Variants in SNTG1 observed in about 807,000 individuals in gnomAD.
The protein encoded by SNTG1 is syntrophin gamma 1, also known as gamma-1-syntrophin.
Under a neutral mutation model 74.7 loss-of-function variants are expected in SNTG1, and 39 were observed. That is an observed-to-expected ratio of 0.52 (90% confidence interval 0.40 to 0.68). SNTG1 has a LOEUF of 0.68. SNTG1 is among the 30% of genes least tolerant of loss of function. The pLI is 0.00. For synonymous variants in SNTG1, 254 were observed against 217.1 expected (o/e 1.17, Z -1.49); for missense variants, 685 against 609.5 (o/e 1.12, Z -1.30).
intron 2 of SNTG1, among the ~76,000 whole-genome samples, chr8:50,307,721 A>G (rs938202711): frequency 6.6e-6 from 1 of 152,072 alleles, no homozygotes; most frequent in African/African-American, 2.4e-5. Flanking sequence ...TAAGTACATT[A>G]TTCTGTCTTC....
intron 13 of SNTG1, among the ~76,000 whole-genome samples, chr8:50,610,077 A>T (rs1026124023): frequency 6.6e-6 from 1 of 152,146 alleles, no homozygotes; most frequent in Non-Finnish European, 1.5e-5. Context: ...TTAGATAATA[A>T]ACGTTACCAA....
intron 2 of SNTG1, among the ~76,000 whole-genome samples, chr8:50,352,884 A>G (rs2091705894): frequency 6.6e-6 from 1 of 152,110 alleles, no homozygotes; most frequent in Non-Finnish European, 1.5e-5. Context: ...ATACCATTTG[A>G]CCCAGCCATC....
At chr8:50,167,116 C>G (rs2082642497) in intron 1 of SNTG1, among the ~76,000 whole-genome samples, 1 of 99,792 alleles carries the variant, frequency 1.0e-5, no homozygotes, top group South Asian at 3.4e-4. Flanking sequence ...ACTCTGGGGA[C>G]TGTGGTGGGG....
intron 15 of SNTG1, among the ~76,000 whole-genome samples, chr8:50,678,965 A>G (rs1302083132): frequency 6.6e-6 from 1 of 152,092 alleles, no homozygotes; most frequent in South Asian, 2.1e-4. Flanking sequence ...TGTGTGTTTT[A>G]TCATTGTGTC....
chr8:49,918,201 A>G (rs990388615), intron 1 of SNTG1, among the ~76,000 whole-genome samples: 14 of 152,244 alleles, frequency 9.2e-5, no homozygotes, highest in Admixed American at 4.6e-4. Context: ...AACCTAAAAA[A>G]TAATGAGTGG....
At chr8:50,183,681 C>T (rs1395541760) in intron 2 of SNTG1, among the ~76,000 whole-genome samples, 1 of 152,084 alleles carries the variant, frequency 6.6e-6, no homozygotes, top group Non-Finnish European at 1.5e-5. Flanking sequence ...TATCTGCTTC[C>T]CCAAGTAGCA....
At chr8:50,708,099 A>G (rs1546450) in intron 16 of SNTG1, 212,519 of 225,186 alleles carry the variant, frequency 0.94, 100,403 homozygotes, top group East Asian at 1. Flanking sequence ...TACTCAGGAG[A>G]CCGAGGGAAG....
intron 2 of SNTG1, among the ~76,000 whole-genome samples, chr8:50,276,082 A>G (rs1238172441): frequency 2.0e-5 from 3 of 152,172 alleles, no homozygotes; most frequent in Non-Finnish European, 4.4e-5. Context: ...TCAATATATA[A>G]CAATACCTAC....
At chr8:50,774,820 G>T (rs1017027625) in intron 18 of SNTG1, among the ~76,000 whole-genome samples, 5 of 151,396 alleles carry the variant, frequency 3.3e-5, no homozygotes, top group African/African-American at 1.2e-4. Context: ...AAGAAGTGGG[G>T]GGAACAGAGT....
At chr8:50,502,734 G>A in intron 8 of SNTG1, 44 bp from the exon 9 acceptor site, 1 of 1,489,990 alleles carries the variant, frequency 6.7e-7, no homozygotes, top group Non-Finnish European at 9.3e-7. Flanking sequence ...CATATAACAT[G>A]ATAAATGTAA....
chr8:50,403,242 G>T (rs2092828834), intron 4 of SNTG1, among the ~76,000 whole-genome samples: 1 of 152,182 alleles, frequency 6.6e-6, no homozygotes, highest in Non-Finnish European at 1.5e-5. Context: ...GGAGTGTTTA[G>T]TTGGTGGTGA....
chr8:50,035,002 A>G (rs1818031191), intron 1 of SNTG1, among the ~76,000 whole-genome samples: 1 of 152,094 alleles, frequency 6.6e-6, no homozygotes, highest in Non-Finnish European at 1.5e-5. Flanking sequence ...AACAATCTGC[A>G]CTCCAAGTTG....
At chr8:50,577,713 A>G (rs1202544320) in intron 12 of SNTG1, among the ~76,000 whole-genome samples, 1 of 152,190 alleles carries the variant, frequency 6.6e-6, no homozygotes, top group Non-Finnish European at 1.5e-5. Flanking sequence ...AACTTCCCTC[A>G]TTAGTCAGGA....
At chr8:50,716,763 C>G (rs1449870844) in intron 17 of SNTG1, among the ~76,000 whole-genome samples, 1 of 149,406 alleles carries the variant, frequency 6.7e-6, no homozygotes, top group Non-Finnish European at 1.5e-5. Context: ...AACGGAGTCT[C>G]ACACTGTCGC....
At chr8:50,571,347 G>A (rs1193947261) in intron 12 of SNTG1, among the ~76,000 whole-genome samples, 4 of 152,338 alleles carry the variant, frequency 2.6e-5, no homozygotes, top group Non-Finnish European at 4.4e-5. Context: ...CAGCAGGAAT[G>A]TGGGGTAATT....
intron 1 of SNTG1, among the ~76,000 whole-genome samples, chr8:50,068,575 G>T (rs1821092799): frequency 6.6e-6 from 1 of 152,154 alleles, no homozygotes; most frequent in East Asian, 1.9e-4. Context: ...CCTGAGCTAG[G>T]TTTTCCAGTC....
At chr8:50,153,337 G>C (rs193035694) in intron 1 of SNTG1, among the ~76,000 whole-genome samples, 10 of 152,174 alleles carry the variant, frequency 6.6e-5, no homozygotes, top group African/African-American at 2.4e-4. Flanking sequence ...TAGCTTCTTT[G>C]CATTGGGTTC....
intron 17 of SNTG1, among the ~76,000 whole-genome samples, chr8:50,735,003 A>C (rs1017343614): frequency 6.7e-6 from 1 of 148,310 alleles, no homozygotes; most frequent in Non-Finnish European, 1.5e-5. Context: ...ATATATATAT[A>C]TCTCAACCAT....
chr8:49,948,781 C>T (rs1017990102), intron 1 of SNTG1, among the ~76,000 whole-genome samples: 5 of 152,158 alleles, frequency 3.3e-5, no homozygotes, highest in Non-Finnish European at 4.4e-5. Flanking sequence ...CTCTGCTCCT[C>T]GGGCTGGAAG....
Sources: gnomAD v4.1 joint callset for allele counts (sites outside exome capture counted in the v4.1 genomes callset) on GRCh38, gnomAD v4.1.1 for gene constraint, MANE v1.5 for transcripts, NCBI Gene and HGNC (gene_info 2026-07-23, HGNC 2026-07-21) for gene names.